Variants in ABI1 observed in about 807,000 individuals in gnomAD.
The protein encoded by ABI1 is abl interactor 1.
In ABI1, 14 loss-of-function variants were observed where a neutral mutation model predicts 54.6. The observed-to-expected ratio is 0.26, with a 90% CI of 0.17 to 0.40. The LOEUF is 0.40. ABI1 is among the 10% of genes least tolerant of loss of function. The pLI, the probability that ABI1 is intolerant of heterozygous loss-of-function variation, is 1.00. For synonymous variants in ABI1, 194 were observed against 209.3 expected (o/e 0.93, Z 0.63); for missense variants, 443 against 598.3 (o/e 0.74, Z 2.71).
At chr10:26,757,574 C>T (rs937242907) in intron 8 of ABI1, among the ~76,000 whole-genome samples, 4 of 152,104 alleles carry the variant, frequency 2.6e-5, no homozygotes, top group South Asian at 2.1e-4. Flanking sequence ...TTTAGACAGA[C>T]ACTGGCTACC....
At chr10:26,818,287 C>T (rs1325991117) in intron 2 of ABI1, among the ~76,000 whole-genome samples, 1 of 149,304 alleles carries the variant, frequency 6.7e-6, no homozygotes, top group African/African-American at 2.5e-5. Flanking sequence ...AATTAATTTC[C>T]TCATATTAAA....
intron 1 of ABI1, among the ~76,000 whole-genome samples, chr10:26,854,420 T>TA (rs2050651793): frequency 1.4e-5 from 2 of 147,926 alleles, no homozygotes; most frequent in African/African-American, 5.1e-5. Flanking sequence ...TAAGAACTGA[T>TA]ATGCTGGGTT....
intron 2 of ABI1, among the ~76,000 whole-genome samples, chr10:26,794,348 G>A (rs532799932): frequency 6.6e-6 from 1 of 152,174 alleles, no homozygotes; most frequent in Admixed American, 6.5e-5. Context: ...GGTTGAAGCT[G>A]CAGTAAACAG....
rs375127467 is a variant in ABI1 at position 26,770,258 on chromosome 10, G to A, written c.565C>T (p.Arg189Trp). The A allele has an allele frequency of 5.0e-5, 80 of 1,613,560 alleles. No individual in the cohort carries two copies. The highest frequency in any genetic ancestry group is 3.3e-4 in the Middle Eastern group (2 of 6,080). Reference sequence around the variant, plus strand: ...TTGAATTCTTACCCCAGTGTTCCCCGGCCTGACATGGGAGGACTTGGCGGT... The same window carrying A: ...TTGAATTCTTACCCCAGTGTTCCCCAGCCTGACATGGGAGGACTTGGCGGT... ...QKPPSPPMSG[R>W]GTLGRNTPYK... The change falls in exon 5 of 11, where the codon CGG becomes TGG. Residue 189 changes from arginine to tryptophan, a missense_variant. Coordinates refer to ENST00000376140, the MANE Select transcript of ABI1 (RefSeq NM_001012750.3).
intron 1 of ABI1, among the ~76,000 whole-genome samples, chr10:26,847,252 T>C (rs2050049870): frequency 6.6e-6 from 1 of 152,184 alleles, no homozygotes; most frequent in South Asian, 2.1e-4. Flanking sequence ...CCAGTTTTCT[T>C]TGGGATCTTT....
At chr10:26,852,792 C>T (rs10741122) in intron 1 of ABI1, among the ~76,000 whole-genome samples, 39,109 of 152,028 alleles carry the variant, frequency 0.26, 5,730 homozygotes, top group South Asian at 0.44. Context: ...GCTGGTCGGG[C>T]ATGGTGGCTC....
At chr10:26,790,450 CT>C (rs1843275351) in intron 2 of ABI1, 2 of 151,780 alleles carry the variant, frequency 1.3e-5, no homozygotes, top group Non-Finnish European at 1.5e-5. Flanking sequence ...AGTGTCTGTT[CT>C]CTGTTCAAGT....
intron 2 of ABI1, among the ~76,000 whole-genome samples, chr10:26,788,158 G>A (rs1448975337): frequency 1.3e-5 from 2 of 152,136 alleles, no homozygotes; most frequent in Non-Finnish European, 2.9e-5. Context: ...GGTTTAATCA[G>A]GGGTTTCCAC....
At position 26,853,505 on chromosome 10, in the gene ABI1, G is replaced by T. The variant is rs530272657; in HGVS notation, c.117+7242C>A. On this transcript the variant is annotated intron_variant, in intron 1 of 10. Transcript: ENST00000376140. ...AAACTTTGTAAATGCTTCAAAATTAGCATTAACTATCAATTTTACCTTACT... is the reference window on the plus strand; with the variant it reads ...AAACTTTGTAAATGCTTCAAAATTATCATTAACTATCAATTTTACCTTACT... 2.0e-5 allele frequency among the ~76,000 whole-genome samples: 3 copies of T among 148,528 alleles called. No individual in the cohort carries two copies. The South Asian group carries it at 6.4e-4, about 32-fold the overall frequency.
intron 2 of ABI1, among the ~76,000 whole-genome samples, chr10:26,801,968 A>G (rs1193764519): frequency 2.4e-4 from 36 of 152,274 alleles, no homozygotes. Flanking sequence ...TGCCACAAAA[A>G]TAGTTAACAG....
chr10:26,768,954 G>A lies in ABI1; in HGVS notation c.617C>T (p.Pro206Leu), dbSNP rs778134413. 35 of 1,612,416 alleles carry A rather than the reference G, an allele frequency of 2.2e-5. No homozygotes were observed. The South Asian group carries it at 3.6e-4, about 17-fold the overall frequency. The change falls in exon 6 of 11, where the codon CCC (proline) becomes CTC (leucine). Residue 206 changes from proline (P) to leucine (L), a missense_variant. Pro to Leu is a moderately conservative substitution (Grantham distance 98). Transcript: ENST00000376140. ...TPYKTLEPVK[P>L]PTVPNDYMTS... ...CATATAGTCATTAGGAACTGTTGGG[G>A]GTTTAACAGGTTCCAGGGTTTTATA...
At chr10:26,838,059 TGTCACC>T (rs2049221679) in intron 1 of ABI1, among the ~76,000 whole-genome samples, 2 of 151,780 alleles carry the variant, frequency 1.3e-5, no homozygotes, top group Admixed American at 6.6e-5. Flanking sequence ...AGTCTTGCTC[TGTCACC>T]CAGGCTAGAG....
chr10:26,760,973 C>T (rs1839071470), intron 7 of ABI1, among the ~76,000 whole-genome samples: 1 of 144,050 alleles, frequency 6.9e-6, no homozygotes, highest in African/African-American at 2.5e-5. Flanking sequence ...GGTAAAGAGT[C>T]TGACTGTCGC....
intron 6 of ABI1, among the ~76,000 whole-genome samples, chr10:26,768,062 ATAT>A (rs1448652543): frequency 1.3e-5 from 2 of 151,610 alleles, no homozygotes; most frequent in African/African-American, 4.8e-5. Flanking sequence ...GATAATAATA[ATAT>A]TATTATTATA....
At chr10:26,784,199 A>G (rs542875631) in intron 2 of ABI1, among the ~76,000 whole-genome samples, 6 of 152,326 alleles carry the variant, frequency 3.9e-5, no homozygotes, top group Non-Finnish European at 8.8e-5. Flanking sequence ...CACAACTTTG[A>G]TCACTACTCA....
At chr10:26,786,788 C>T (rs972536720) in intron 2 of ABI1, among the ~76,000 whole-genome samples, 3 of 152,152 alleles carry the variant, frequency 2.0e-5, no homozygotes, top group Non-Finnish European at 1.5e-5. Flanking sequence ...TATGACCCCT[C>T]GGCAAACTCA....
chr10:26,810,840 C>A (rs2047185947), intron 2 of ABI1, among the ~76,000 whole-genome samples: 2 of 149,950 alleles, frequency 1.3e-5, no homozygotes, highest in Admixed American at 6.7e-5. Context: ...TTAACTGATA[C>A]AAATTATATT....
At position 26,777,068 on chromosome 10, in the gene ABI1, G is replaced by C; in HGVS notation, c.459C>G (p.Val153=). 6.3e-7 allele frequency: 1 copy of C among 1,584,756 alleles called. No homozygotes were observed. The highest frequency in any genetic ancestry group is 1.2e-5 in the South Asian group (1 of 85,066). ...YTVLDDVGHG[V]KWLKAKHGNN... ...TAATGTAATATAAAATGCTTACCTT[G>C]ACACCATGGCCCACATCATCCAGAA... Residue 153 remains valine, a synonymous_variant, in exon 3 of 11, where the codon GTC becomes GTG. Transcript: ENST00000376140.
chr10:26,848,692 T>C (rs1345840648), intron 1 of ABI1, among the ~76,000 whole-genome samples: 1 of 137,886 alleles, frequency 7.3e-6, no homozygotes, highest in Non-Finnish European at 1.5e-5. Context: ...CACTGCAACC[T>C]CTGCCTCCCA....
Sources: allele counts gnomAD v4.1 joint callset (sites outside exome capture counted in the v4.1 genomes callset), GRCh38; gene constraint gnomAD v4.1.1; transcripts MANE v1.5; gene names NCBI Gene and HGNC (gene_info 2026-07-23, HGNC 2026-07-21).